CADM2: variants seen among roughly 807,000 people sequenced by gnomAD.
CADM2 encodes the protein cell adhesion molecule 2.
In CADM2, 12 loss-of-function variants were observed where a neutral mutation model predicts 49.8. The observed-to-expected ratio is 0.24, with a 90% CI of 0.15 to 0.39. The LOEUF (loss-of-function observed/expected upper bound fraction) is 0.39, where lower values mean the gene tolerates loss of function less well. CADM2 is among the 10% of genes least tolerant of loss of function. The pLI is 1.00. For missense variants in CADM2, 378 were observed against 492.3 expected (o/e 0.77, Z 2.20); for synonymous variants, 214 against 175.4 (o/e 1.22, Z -1.74).
intron 1 of CADM2, among the ~76,000 whole-genome samples, chr3:85,115,188 A>G (rs560356388): frequency 3.5e-4 from 54 of 152,272 alleles, no homozygotes; most frequent in Middle Eastern, 3.4e-3. Context: ...TTGCTACCCT[A>G]CAAGGTCTGA....
intron 1 of CADM2, among the ~76,000 whole-genome samples, chr3:85,267,666 A>G (rs1467021379): frequency 2.0e-5 from 3 of 151,526 alleles, no homozygotes; most frequent in Non-Finnish European, 4.4e-5. Context: ...GGTATATACT[A>G]TGTTAAAAAT....
chr3:85,440,551 G>A (rs975401409), intron 1 of CADM2, among the ~76,000 whole-genome samples: 12 of 152,090 alleles, frequency 7.9e-5, no homozygotes, highest in Admixed American at 6.6e-4. Context: ...TGCGACCTTA[G>A]GTCTCAGTGT....
intron 1 of CADM2, among the ~76,000 whole-genome samples, chr3:85,449,082 A>AATAATAATAATAATAAT (rs1553724946): frequency 0.011 from 1,228 of 112,932 alleles, 8 homozygotes; most frequent in East Asian, 0.021. Context: ...ATAATGATAA[A>AATAATAATAATAATAAT]AATTATATAA....
At chr3:86,003,998 C>A (rs1002912210) in intron 8 of CADM2, among the ~76,000 whole-genome samples, 1 of 151,848 alleles carries the variant, frequency 6.6e-6, no homozygotes, top group Non-Finnish European at 1.5e-5. Flanking sequence ...CCAATGGCTC[C>A]AAATAAAGTC....
chr3:85,174,445 C>G (rs915846062), intron 1 of CADM2, among the ~76,000 whole-genome samples: 2 of 151,514 alleles, frequency 1.3e-5, no homozygotes, highest in Admixed American at 6.6e-5. Context: ...TGTGAGGTGA[C>G]TTTTCCTTAC....
At chr3:84,960,287 G>A (rs2030349697) in intron 1 of CADM2, 1 of 151,162 alleles carries the variant, frequency 6.6e-6, no homozygotes, top group South Asian at 2.1e-4. Flanking sequence ...AAGAGAGAGG[G>A]GACTCTGTCT....
At chr3:85,815,717 T>C (rs1217529938) in intron 3 of CADM2, among the ~76,000 whole-genome samples, 1 of 152,086 alleles carries the variant, frequency 6.6e-6, no homozygotes, top group Non-Finnish European at 1.5e-5. Context: ...ACCACTCCTA[T>C]TCAACATAGT....
At chr3:86,064,652 A>C (rs1739096791) in intron 8 of CADM2, among the ~76,000 whole-genome samples, 1 of 152,184 alleles carries the variant, frequency 6.6e-6, no homozygotes, top group East Asian at 1.9e-4. Context: ...CAATGAAAAA[A>C]TGCTCATCAT....
chr3:85,918,307 T>C (rs920914242), intron 6 of CADM2, among the ~76,000 whole-genome samples: 3 of 152,200 alleles, frequency 2.0e-5, no homozygotes, highest in Admixed American at 2.0e-4. Context: ...AGATAGCTCT[T>C]ATTATTTTGA....
chr3:85,470,059 G>T (rs1448247673), intron 1 of CADM2, among the ~76,000 whole-genome samples: 1 of 152,146 alleles, frequency 6.6e-6, no homozygotes, highest in Non-Finnish European at 1.5e-5. Flanking sequence ...TCAAATTTCT[G>T]TTGGATTTAA....
chr3:85,549,241 G>T (rs1430258530), intron 1 of CADM2, among the ~76,000 whole-genome samples: 3 of 152,164 alleles, frequency 2.0e-5, no homozygotes, highest in African/African-American at 7.2e-5. Context: ...AGAGCAACCT[G>T]CAGAGTTAAC....
In CADM2 at chr3:85,219,128, G is replaced by A. The variant is rs191300067; in HGVS notation, c.61+259460G>A. ...ATAGGTATGGTTTTGAATTAATGGT[G>A]AAAAGAATAATATGATATAAGGAAT... is the stretch of plus-strand genomic sequence containing the variant. On this transcript the variant is annotated intron_variant, in intron 1 of 9. Transcript: ENST00000383699. 5.3e-5 allele frequency among the ~76,000 whole-genome samples: 8 copies of A among 152,232 alleles called. No individual in the cohort carries two copies. The East Asian group carries it at 1.4e-3, about 26-fold the overall frequency.
intron 5 of CADM2, 118 bp from the exon 6 acceptor site, chr3:85,912,255 A>T (rs1016330741): frequency 2.4e-5 from 16 of 673,638 alleles, no homozygotes; most frequent in Non-Finnish European, 3.9e-5. Flanking sequence ...AAAATCACAA[A>T]TATTTGCTTC....
At chr3:85,657,819 A>G (rs1577031492) in intron 1 of CADM2, among the ~76,000 whole-genome samples, 1 of 140,546 alleles carries the variant, frequency 7.1e-6, no homozygotes, top group South Asian at 2.2e-4. Context: ...TAAAATTCAT[A>G]TGATCAAGTC....
chr3:85,770,550 C>A lies in CADM2; in HGVS notation c.89-31497C>A, dbSNP rs1333223128. ...CTCAGGCTAGTCTGAAACTCCTGGGCTCAAGTGATCCTCCCATCTCTGCCT... is the reference window on the plus strand; with the variant it reads ...CTCAGGCTAGTCTGAAACTCCTGGGATCAAGTGATCCTCCCATCTCTGCCT... On this transcript the variant is annotated intron_variant, in intron 2 of 9. Transcript: ENST00000383699. 2.0e-5 allele frequency among the ~76,000 whole-genome samples: 3 copies of A among 152,068 alleles called. No homozygotes were observed. In the East Asian group the frequency reaches 5.8e-4, roughly 29 times the overall value.
intron 1 of CADM2, among the ~76,000 whole-genome samples, chr3:85,532,893 C>G (rs1437489604): frequency 6.6e-6 from 1 of 152,112 alleles, no homozygotes; most frequent in Non-Finnish European, 1.5e-5. Context: ...CCTTAGCAAA[C>G]TAATGCAGGA....
intron 1 of CADM2, among the ~76,000 whole-genome samples, chr3:85,354,618 C>CAGAG (rs139421347): frequency 0.01 from 1,346 of 130,208 alleles, 14 homozygotes; most frequent in Middle Eastern, 0.026. Context: ...GAATACCTAA[C>CAGAG]AGAGAGAGAG....
chr3:85,824,488 G>T (rs907165525), intron 3 of CADM2, among the ~76,000 whole-genome samples: 3 of 152,012 alleles, frequency 2.0e-5, no homozygotes, highest in Non-Finnish European at 4.4e-5. Flanking sequence ...AAAGAGGTAT[G>T]ACTCTTTTGT....
At chr3:84,994,264 A>T (rs2033058217) in intron 1 of CADM2, among the ~76,000 whole-genome samples, 1 of 152,180 alleles carries the variant, frequency 6.6e-6, no homozygotes, top group Admixed American at 6.5e-5. Context: ...CCTAATAAAT[A>T]TATTTTCACC....
Sources: gnomAD v4.1 joint callset for allele counts (sites outside exome capture counted in the v4.1 genomes callset) on GRCh38, gnomAD v4.1.1 for gene constraint, MANE v1.5 for transcripts, NCBI Gene and HGNC (gene_info 2026-07-23, HGNC 2026-07-21) for gene names.